Variants in GAS2L3 observed in about 807,000 individuals in gnomAD.
The protein encoded by GAS2L3 is growth arrest specific 2 like 3.
In GAS2L3, 28 loss-of-function variants were observed where a neutral mutation model predicts 37.0. That is an observed-to-expected ratio of 0.76 (90% CI 0.56 to 1.04). GAS2L3 has a LOEUF of 1.04. Ranked by LOEUF, GAS2L3 falls within the 50% of genes least tolerant of loss-of-function variation. The probability of loss-of-function intolerance (pLI) is 0.00; values close to 1 mark genes in which losing one functional copy is unlikely to be tolerated. For missense variants in GAS2L3, 793 were observed against 817.6 expected (o/e 0.97, Z 0.37); for synonymous variants, 290 against 296.6 (o/e 0.98, Z 0.23).
chr12:100,589,161 A>G (rs1955815909), intron 1 of GAS2L3, among the ~76,000 whole-genome samples: 1 of 152,162 alleles, frequency 6.6e-6, no homozygotes, highest in East Asian at 1.9e-4. Context: ...AATCTTCACA[A>G]TTTATGTTCG....
rs1477888670 is a variant in GAS2L3 at position 100,618,534 on chromosome 12, G to A, written c.595G>A (p.Asp199Asn). 3 of 1,612,850 alleles carry A rather than the reference G, an allele frequency of 1.9e-6. No homozygotes were observed. Among genetic ancestry groups the A allele is most frequent in the Admixed American group, 3.3e-5 (2 of 59,840 alleles). Residue 199 changes from aspartate (D) to asparagine (N), a missense_variant, in exon 8 of 10, where the codon GAT becomes AAT. Transcript: ENST00000547754. ...TTTGCTTAATACTTCTGGGCCTGAA[G>A]ATTCCATCAGCATTCCAAAATCATG... ...ETLLNTSGPEDSISIPKSCCR... is the reference protein window; with the variant it reads ...ETLLNTSGPENSISIPKSCCR...
rs1046161773 is a variant in GAS2L3 at position 100,625,280 on chromosome 12, G to C, written c.*390G>C. ...CATATACCTGCTAATATCAACGGTG[G>C]TGCTCTTACTATTAGTTAATTGCAT... On this transcript the variant is annotated 3_prime_UTR_variant, in exon 10 of 10. Transcript: ENST00000547754. 71 of 155,762 alleles carry C rather than the reference G, an allele frequency of 4.6e-4. No homozygotes were observed. Among genetic ancestry groups the C allele is most frequent in the Non-Finnish European group, 1.6e-4 (11 of 70,356 alleles). 9.6% of individuals were successfully genotyped at this position (155,762 alleles called of 1,614,324 possible).
At chr12:100,599,648 CTTCATTCATTCATTTA>C (rs34267412) in intron 3 of GAS2L3, among the ~76,000 whole-genome samples, 24,407 of 152,066 alleles carry the variant, frequency 0.16, 2,836 homozygotes, top group East Asian at 0.48. Context: ...GCCATTTATG[CTTCATTCATTCATTTA>C]TTCATTCATT....
rs1373051822 is a variant in GAS2L3, at chr12:100,625,998, C to T, written c.*1108C>T. 6.6e-6 allele frequency: 1 copy of T among 152,176 alleles called. No individual in the cohort carries two copies. The highest frequency in any genetic ancestry group is 2.4e-5 in the African/African-American group (1 of 41,450). The allele number at this position is 152,176 out of a possible 1,614,324, so 9.4% of individuals were successfully genotyped here. ...TTCAAGGTTTTCTGCACTGTAGGCA[C>T]AGTCTCTCAAGCATATCCTGATCAT... On this transcript the variant is annotated 3_prime_UTR_variant, in exon 10 of 10. Coordinates refer to ENST00000547754, the MANE Select transcript of GAS2L3 (RefSeq NM_174942.3).
At chr12:100,589,312 AG>A (rs1955817725) in intron 1 of GAS2L3, among the ~76,000 whole-genome samples, 1 of 151,040 alleles carries the variant, frequency 6.6e-6, no homozygotes. Context: ...AATCAAATCA[AG>A]AACTCAACCC....
chr12:100,578,822 AC>A (rs1955670635), intron 1 of GAS2L3: 1 of 660,758 alleles, frequency 1.5e-6, no homozygotes, highest in South Asian at 1.6e-5. Flanking sequence ...AAGTCTTTAC[AC>A]ACGTAGAACC....
chr12:100,588,397 A>C (rs1955806672), intron 1 of GAS2L3, among the ~76,000 whole-genome samples: 1 of 152,194 alleles, frequency 6.6e-6, no homozygotes, highest in Admixed American at 6.5e-5. Context: ...AAGGGCAGGG[A>C]GTGTAAGAAC....
In GAS2L3 at chr12:100,625,716, A is replaced by G. The variant is rs1011193543; in HGVS notation, c.*826A>G. 1 of 152,208 alleles carries G rather than the reference A, an allele frequency of 6.6e-6. No individual in the cohort carries two copies. Among genetic ancestry groups the G allele is most frequent in the South Asian group, 2.1e-4 (1 of 4,834 alleles). The allele number at this position is 152,208 out of a possible 1,614,324, so 9.4% of individuals were successfully genotyped here. A position where few individuals can be genotyped will look rare whatever the true frequency, so the allele number is the denominator to read the frequency against. ...TAGCATATTAAAAATAATTTTTTAT[A>G]ATGTAATTTCCTGTGAGTGCAGACC... On this transcript the variant is annotated 3_prime_UTR_variant, in exon 10 of 10. Coordinates refer to ENST00000547754, the MANE Select transcript of GAS2L3 (RefSeq NM_174942.3).
At chr12:100,586,817 A>G (rs1042426767) in intron 1 of GAS2L3, among the ~76,000 whole-genome samples, 3 of 152,194 alleles carry the variant, frequency 2.0e-5, no homozygotes, top group African/African-American at 4.8e-5. Flanking sequence ...AATAAAATTG[A>G]TAGACCATTG....
chr12:100,623,419 C>T (rs1593192390), intron 9 of GAS2L3, 143 bp from the exon 10 acceptor site: 2 of 584,862 alleles, frequency 3.4e-6, no homozygotes, highest in East Asian at 2.8e-5. Flanking sequence ...ATACAAGAAA[C>T]AAACTGTCAA....
At chr12:100,613,259 A>G (rs1811488774) in intron 6 of GAS2L3, among the ~76,000 whole-genome samples, 1 of 152,202 alleles carries the variant, frequency 6.6e-6, no homozygotes, top group African/African-American at 2.4e-5. Flanking sequence ...GAAGGTCAGT[A>G]TAGGACTAAG....
At chr12:100,596,692 A>T (rs145813446) in intron 3 of GAS2L3, among the ~76,000 whole-genome samples, 3 of 152,264 alleles carry the variant, frequency 2.0e-5, no homozygotes, top group African/African-American at 7.2e-5. Context: ...CTTGCCATTC[A>T]TCTGTGTCCT....
At chr12:100,610,046 G>GTAGC in intron 5 of GAS2L3, among the ~76,000 whole-genome samples, 1 of 152,316 alleles carries the variant, frequency 6.6e-6, no homozygotes, top group Admixed American at 6.5e-5. Flanking sequence ...CTTTTTGTGT[G>GTAGC]TAGCTAGTTG....
chr12:100,597,320 A>G (rs556386430), intron 3 of GAS2L3, among the ~76,000 whole-genome samples: 1 of 152,198 alleles, frequency 6.6e-6, no homozygotes, highest in South Asian at 2.1e-4. Flanking sequence ...TCATTTGCTA[A>G]TATCTATTCC....
chr12:100,580,067 G>C, intron 1 of GAS2L3: 1 of 1,437,852 alleles, frequency 7.0e-7, no homozygotes, highest in Non-Finnish European at 9.8e-7. Context: ...TCATTTTCTT[G>C]AGATGGATGA....
chr12:100,605,336 T>C (rs998193231), intron 5 of GAS2L3, among the ~76,000 whole-genome samples: 4 of 151,950 alleles, frequency 2.6e-5, no homozygotes, highest in African/African-American at 9.7e-5. Flanking sequence ...TTCTGTGGTA[T>C]CAGTTGTAAT....
intron 3 of GAS2L3, among the ~76,000 whole-genome samples, chr12:100,595,400 T>G (rs1299009171): frequency 2.8e-5 from 4 of 145,434 alleles, no homozygotes; most frequent in Admixed American, 2.1e-4. Context: ...AAGAGTGGGT[T>G]TTTTTTTTTT....
intron 1 of GAS2L3, among the ~76,000 whole-genome samples, chr12:100,583,337 A>G (rs1387973468): frequency 6.6e-6 from 1 of 152,212 alleles, no homozygotes; most frequent in East Asian, 1.9e-4. Flanking sequence ...CATTCTGTCT[A>G]CTACACATGG....
chr12:100,579,254 C>A, intron 1 of GAS2L3: 1 of 606,470 alleles, frequency 1.6e-6, no homozygotes, highest in Middle Eastern at 2.8e-4. Flanking sequence ...AAACAAACTT[C>A]TAACTGTGTC....
Sources: allele counts gnomAD v4.1 joint callset (sites outside exome capture counted in the v4.1 genomes callset), GRCh38; gene constraint gnomAD v4.1.1; transcripts MANE v1.5; gene names NCBI Gene and HGNC (gene_info 2026-07-23, HGNC 2026-07-21).